The following GRID2 variants were observed in gnomAD, a reference collection of about 807,000 sequenced individuals.
GRID2 encodes glutamate receptor ionotropic, delta-2.
Under a neutral mutation model 114.8 loss-of-function variants are expected in GRID2, and 33 were observed. The observed-to-expected ratio is 0.29, with a 90% CI of 0.22 to 0.38. The LOEUF (loss-of-function observed/expected upper bound fraction) is 0.38. GRID2 is among the 10% of genes least tolerant of loss of function. GRID2 has a pLI of 1.00. For synonymous variants in GRID2, 505 were observed against 449.9 expected (o/e 1.12, Z -1.55); for missense variants, 1,184 against 1,257.7 (o/e 0.94, Z 0.89).
At chr4:93,476,878 A>T (rs1307410253) in intron 11 of GRID2, among the ~76,000 whole-genome samples, 1 of 152,154 alleles carries the variant, frequency 6.6e-6, no homozygotes, top group South Asian at 2.1e-4. Context: ...GATACTGGAA[A>T]TGAGAACAGA....
intron 2 of GRID2, among the ~76,000 whole-genome samples, chr4:92,967,778 G>A (rs1381817247): frequency 6.6e-6 from 1 of 151,910 alleles, no homozygotes; most frequent in African/African-American, 2.4e-5. Context: ...ACAAGACTGT[G>A]CACAAGCGAG....
intron 8 of GRID2, among the ~76,000 whole-genome samples, chr4:93,317,766 C>G (rs988183869): frequency 6.6e-6 from 1 of 151,448 alleles, no homozygotes; most frequent in South Asian, 2.1e-4. Flanking sequence ...AGGGAGTATA[C>G]CCTCTGGGTG....
intron 8 of GRID2, among the ~76,000 whole-genome samples, chr4:93,264,957 AT>A (rs1395674432): frequency 3.3e-5 from 5 of 151,090 alleles, no homozygotes; most frequent in Non-Finnish European, 5.9e-5. Flanking sequence ...TAATTTTTGT[AT>A]TTTTAGTAGA....
At chr4:93,081,891 C>A (rs759809084) in intron 2 of GRID2, among the ~76,000 whole-genome samples, 1 of 152,120 alleles carries the variant, frequency 6.6e-6, no homozygotes, top group African/African-American at 2.4e-5. Context: ...AGGTAGTCTG[C>A]GTTGCTAAGC....
At chr4:92,696,819 T>G (rs1463815912) in intron 2 of GRID2, among the ~76,000 whole-genome samples, 1 of 152,152 alleles carries the variant, frequency 6.6e-6, no homozygotes, top group Non-Finnish European at 1.5e-5. Context: ...GATAGGATAT[T>G]CTACTACTGT....
chr4:92,445,218 T>C (rs1733388796), intron 1 of GRID2, among the ~76,000 whole-genome samples: 2 of 152,326 alleles, frequency 1.3e-5, no homozygotes, highest in South Asian at 2.1e-4. Context: ...AAAATTAGTC[T>C]AGCAAGTAGC....
At chr4:93,677,169 C>A (rs1211963959) in intron 14 of GRID2, among the ~76,000 whole-genome samples, 1 of 152,190 alleles carries the variant, frequency 6.6e-6, no homozygotes, top group East Asian at 1.9e-4. Context: ...CGGAGGCTCG[C>A]TGATTGCTAA....
intron 2 of GRID2, among the ~76,000 whole-genome samples, chr4:92,789,045 A>G (rs1215302927): frequency 6.6e-6 from 1 of 151,878 alleles, no homozygotes; most frequent in African/African-American, 2.4e-5. Context: ...ATTTACTTAA[A>G]AGATAATTTT....
intron 1 of GRID2, among the ~76,000 whole-genome samples, chr4:92,309,751 A>AT (rs557368307): frequency 3.3e-5 from 5 of 151,776 alleles, no homozygotes; most frequent in African/African-American, 9.7e-5. Context: ...TAGTGATACA[A>AT]TTTTTTTTCT....
intron 2 of GRID2, among the ~76,000 whole-genome samples, chr4:92,843,721 TGGAAAG>T (rs1381435117): frequency 1.3e-5 from 2 of 152,146 alleles, no homozygotes; most frequent in Admixed American, 6.6e-5. Flanking sequence ...GATGTGTAGT[TGGAAAG>T]GGAGGATTTT....
chr4:93,184,888 A>G (rs976602382), intron 4 of GRID2, among the ~76,000 whole-genome samples: 5 of 152,136 alleles, frequency 3.3e-5, no homozygotes, highest in Non-Finnish European at 7.4e-5. Context: ...TCTGAAAAAA[A>G]ACACAAAAAA....
At chr4:93,297,093 C>G (rs1179860067) in intron 8 of GRID2, among the ~76,000 whole-genome samples, 5 of 152,072 alleles carry the variant, frequency 3.3e-5, no homozygotes, top group South Asian at 2.1e-4. Context: ...ATAAAAAGAT[C>G]AGAGGGAAAA....
chr4:92,532,978 T>A (rs1725423579), intron 1 of GRID2, among the ~76,000 whole-genome samples: 1 of 151,950 alleles, frequency 6.6e-6, no homozygotes, highest in Admixed American at 6.6e-5. Context: ...ACTCAGCTAC[T>A]TGGGAGGCTT....
Position 92,718,833 on chromosome 4 carries a change from ACT to A in GRID2, c.244+128552_244+128553del, listed in dbSNP as rs146554013. Among the ~76,000 whole-genome samples, 168 of 150,350 alleles carry A rather than the reference ACT, an allele frequency of 1.1e-3. 1 individual carries two copies. Among genetic ancestry groups the A allele is most frequent in the African/African-American group, 3.7e-3 (152 of 41,050 alleles). ...ATAGTGGAAACAGGAATAATCTTTT[ACT>A]CTCTTTATTATTTATTATCTTCTGA... is the stretch of plus-strand genomic sequence containing the variant. On this transcript the variant is annotated intron_variant, in intron 2 of 15. Coordinates refer to ENST00000282020, the MANE Select transcript of GRID2 (RefSeq NM_001510.4).
At chr4:93,323,520 G>A (rs1757476983) in intron 8 of GRID2, among the ~76,000 whole-genome samples, 1 of 152,098 alleles carries the variant, frequency 6.6e-6, no homozygotes, top group African/African-American at 2.4e-5. Flanking sequence ...GGATTGTCTT[G>A]GCTATGCAGG....
intron 13 of GRID2, among the ~76,000 whole-genome samples, chr4:93,625,686 C>T (rs1468870052): frequency 3.3e-5 from 5 of 152,120 alleles, no homozygotes; most frequent in Non-Finnish European, 7.4e-5. Context: ...GAGGCCGAGG[C>T]GGGCGGATTA....
chr4:93,517,931 A>T (rs1227906836), intron 13 of GRID2, among the ~76,000 whole-genome samples: 1 of 39,438 alleles, frequency 2.5e-5, no homozygotes, highest in African/African-American at 8.6e-5. Context: ...TATACTATAT[A>T]TGTATGTATA....
chr4:93,180,788 T>C (rs2149435227), intron 4 of GRID2, among the ~76,000 whole-genome samples: 1 of 152,304 alleles, frequency 6.6e-6, no homozygotes, highest in Non-Finnish European at 1.5e-5. Flanking sequence ...AATTTAATCA[T>C]GAGATTGCAG....
At chr4:93,376,303 A>G (rs542958539) in intron 8 of GRID2, among the ~76,000 whole-genome samples, 2 of 152,328 alleles carry the variant, frequency 1.3e-5, no homozygotes, top group South Asian at 4.1e-4. Flanking sequence ...TGTTTAAAGT[A>G]TACAACACAA....
Sources: gnomAD v4.1 joint callset for allele counts (sites outside exome capture counted in the v4.1 genomes callset) on GRCh38, gnomAD v4.1.1 for gene constraint, MANE v1.5 for transcripts, NCBI Gene and HGNC (gene_info 2026-07-23, HGNC 2026-07-21) for gene names.